GABRG3: variants seen among roughly 807,000 people sequenced by gnomAD.
GABRG3 encodes the protein gamma-aminobutyric acid type A receptor subunit gamma3, also known as gamma-aminobutyric acid receptor subunit gamma-3.
Under a neutral mutation model 48.8 loss-of-function variants are expected in GABRG3, and 25 were observed. The observed-to-expected ratio is 0.51, with a 90% CI of 0.37 to 0.72. GABRG3 has a LOEUF of 0.72. Ranked by LOEUF, GABRG3 falls within the 30% of genes least tolerant of loss-of-function variation. GABRG3 has a pLI of 0.00. For synonymous variants in GABRG3, 227 were observed against 217.6 expected, an observed-to-expected ratio of 1.04 and a Z score of -0.38; for missense variants, 394 against 577.9, an observed-to-expected ratio of 0.68 and a Z score of 3.26.
intron 3 of GABRG3, among the ~76,000 whole-genome samples, chr15:27,277,099 G>A (rs1207206797): frequency 6.6e-6 from 1 of 152,264 alleles, no homozygotes; most frequent in Non-Finnish European, 1.5e-5. Context: ...ATCCTTGCCT[G>A]TGGCAGGGAA....
At chr15:27,063,812 C>T (rs1896692303) in intron 3 of GABRG3, among the ~76,000 whole-genome samples, 1 of 152,160 alleles carries the variant, frequency 6.6e-6, no homozygotes, top group African/African-American at 2.4e-5. Flanking sequence ...TGCAGAGCCC[C>T]CCAGGTCAGA....
chr15:27,386,994 A>G (rs560160487), intron 5 of GABRG3, among the ~76,000 whole-genome samples: 12 of 152,314 alleles, frequency 7.9e-5, no homozygotes, highest in African/African-American at 2.9e-4. Flanking sequence ...AAGTTGCTCT[A>G]CTTTTTAAAA....
chr15:27,357,040 A>G (rs1056255719), intron 5 of GABRG3, among the ~76,000 whole-genome samples: 2 of 152,212 alleles, frequency 1.3e-5, no homozygotes, highest in Non-Finnish European at 2.9e-5. Context: ...AATGATCACC[A>G]ACAGTAGGAA....
chr15:27,495,239 C>T (rs1487893715), intron 6 of GABRG3, among the ~76,000 whole-genome samples: 1 of 152,176 alleles, frequency 6.6e-6, no homozygotes, highest in Admixed American at 6.5e-5. Context: ...TTGTGCCTGG[C>T]TTATTTCACT....
At chr15:26,998,384 A>G (rs1417129405) in intron 2 of GABRG3, among the ~76,000 whole-genome samples, 1 of 152,124 alleles carries the variant, frequency 6.6e-6, no homozygotes, top group Non-Finnish European at 1.5e-5. Context: ...CAGAATCCCC[A>G]TGCCAGTATA....
At chr15:27,418,487 C>T (rs1433882947) in intron 5 of GABRG3, among the ~76,000 whole-genome samples, 4 of 152,212 alleles carry the variant, frequency 2.6e-5, no homozygotes, top group East Asian at 3.9e-4. Flanking sequence ...TGGTGCCCTC[C>T]GCAGAGACAG....
intron 3 of GABRG3, among the ~76,000 whole-genome samples, chr15:27,044,211 C>A (rs1419736388): frequency 6.6e-6 from 1 of 152,152 alleles, no homozygotes. Context: ...ATACTCAAAG[C>A]CTGAATGTCA....
intron 3 of GABRG3, among the ~76,000 whole-genome samples, chr15:27,241,421 G>A (rs971266462): frequency 1.2e-4 from 19 of 152,222 alleles, no homozygotes; most frequent in South Asian, 8.3e-4. Flanking sequence ...ACTTACAGCA[G>A]CAATGGCCTT....
At chr15:27,344,728 A>G (rs1894308529) in intron 5 of GABRG3, among the ~76,000 whole-genome samples, 1 of 152,086 alleles carries the variant, frequency 6.6e-6, no homozygotes, top group Non-Finnish European at 1.5e-5. Context: ...TTTTAATTTA[A>G]ATTTTAGTCT....
At chr15:27,198,585 T>TGG (rs961185431) in intron 3 of GABRG3, among the ~76,000 whole-genome samples, 6 of 152,196 alleles carry the variant, frequency 3.9e-5, no homozygotes, top group Admixed American at 1.3e-4. Context: ...GAAGACAGTG[T>TGG]GGTGATTCCT....
At chr15:27,032,911 T>TC (rs981901358) in intron 3 of GABRG3, among the ~76,000 whole-genome samples, 2 of 152,154 alleles carry the variant, frequency 1.3e-5, no homozygotes, top group African/African-American at 4.8e-5. Context: ...GGACTCTGGT[T>TC]CCCCTGCCTT....
intron 5 of GABRG3, among the ~76,000 whole-genome samples, chr15:27,346,425 T>G: frequency 6.6e-6 from 1 of 152,198 alleles, no homozygotes; most frequent in East Asian, 1.9e-4. Flanking sequence ...TACATTTATC[T>G]CTTTATTTAC....
intron 5 of GABRG3, among the ~76,000 whole-genome samples, chr15:27,386,674 G>A (rs190658398): frequency 4.6e-5 from 7 of 152,274 alleles, no homozygotes; most frequent in Non-Finnish European, 1.0e-4. Flanking sequence ...TACATGTTAT[G>A]GAGCTTGAAT....
chr15:27,108,233 A>C (rs919146886), intron 3 of GABRG3, among the ~76,000 whole-genome samples: 3 of 152,000 alleles, frequency 2.0e-5, no homozygotes, highest in African/African-American at 7.2e-5. Context: ...TTGACTGACA[A>C]ATTTTGATCT....
At chr15:27,308,297 A>G (rs1566773715) in intron 3 of GABRG3, among the ~76,000 whole-genome samples, 1 of 130,718 alleles carries the variant, frequency 7.7e-6, no homozygotes, top group African/African-American at 3.5e-5. Flanking sequence ...TTATATATAA[A>G]CATCATATAA....
intron 6 of GABRG3, among the ~76,000 whole-genome samples, chr15:27,517,897 T>G (rs1316311562): frequency 6.6e-6 from 1 of 152,206 alleles, no homozygotes; most frequent in Admixed American, 6.5e-5. Context: ...GTTTAAATTT[T>G]TAAATGTTTC....
chr15:27,091,188 A>C (rs1280685149), intron 3 of GABRG3, among the ~76,000 whole-genome samples: 1 of 152,170 alleles, frequency 6.6e-6, no homozygotes, highest in Non-Finnish European at 1.5e-5. Flanking sequence ...TTAATTTTTC[A>C]TCATTAACAG....
chr15:27,021,554 T>C (rs1473278787), intron 2 of GABRG3, among the ~76,000 whole-genome samples: 2 of 152,208 alleles, frequency 1.3e-5, no homozygotes, highest in Non-Finnish European at 2.9e-5. Context: ...GAAATTTATG[T>C]GAGTGGCTGA....
rs568371521 is a variant in GABRG3 at position 27,226,603 on chromosome 15, G to A, written c.271-100206G>A. Among the ~76,000 whole-genome samples the A allele has an allele frequency of 3.0e-4, 46 of 152,314 alleles. No individual in the cohort carries two copies. The East Asian group carries it at 6.6e-3, about 22-fold the overall frequency. The stretch of plus-strand genomic sequence containing the variant: ...TTGTGGGCTGCCATCCGGATGCCCC[G>A]GGCTTCAGAGGAGCCACCGGTGCTT... On this transcript the variant is annotated intron_variant, in intron 3 of 9. Transcript: ENST00000615808.
Sources: gnomAD v4.1 joint callset for allele counts (sites outside exome capture counted in the v4.1 genomes callset) on GRCh38, gnomAD v4.1.1 for gene constraint, MANE v1.5 for transcripts, NCBI Gene and HGNC (gene_info 2026-07-23, HGNC 2026-07-21) for gene names.